AGO3: variants seen among roughly 807,000 people sequenced by gnomAD.
AGO3 encodes the protein protein argonaute-3.
Under a neutral mutation model 105.5 loss-of-function variants are expected in AGO3, and 16 were observed. The ratio of observed to expected loss-of-function variants is 0.15; its 90% CI spans 0.10 to 0.23. The LOEUF is 0.23. Ranked by LOEUF, AGO3 falls within the 10% of genes least tolerant of loss-of-function variation. The probability of loss-of-function intolerance (pLI) is 1.00; values close to 1 mark genes in which losing one functional copy is unlikely to be tolerated. For synonymous variants in AGO3, 340 were observed against 367.3 expected (o/e 0.93, Z 0.85); for missense variants, 534 against 1,088.0 (o/e 0.49, Z 7.16).
intron 3 of AGO3, among the ~76,000 whole-genome samples, chr1:35,971,351 G>A (rs1302856006): frequency 6.6e-6 from 1 of 150,410 alleles, no homozygotes; most frequent in East Asian, 2.0e-4. Context: ...TAGAGACAGG[G>A]TTTCACCATG....
chr1:35,975,734 A>G (rs1340125144), intron 5 of AGO3, among the ~76,000 whole-genome samples: 1 of 152,132 alleles, frequency 6.6e-6, no homozygotes, highest in Non-Finnish European at 1.5e-5. Flanking sequence ...GTTTAGATCC[A>G]GTGAGTGGGA....
At chr1:35,952,993 A>G (rs1273135941) in intron 2 of AGO3, among the ~76,000 whole-genome samples, 2 of 152,204 alleles carry the variant, frequency 1.3e-5, no homozygotes, top group African/African-American at 4.8e-5. Flanking sequence ...TTTGACTACT[A>G]CAAATAATGC....
chr1:35,955,255 G>A (rs1024587923), intron 2 of AGO3, among the ~76,000 whole-genome samples: 2 of 152,184 alleles, frequency 1.3e-5, no homozygotes, highest in African/African-American at 4.8e-5. Context: ...GAGAACATTT[G>A]GAAGGCTGTT....
intron 5 of AGO3, among the ~76,000 whole-genome samples, chr1:35,994,223 A>G (rs1648047328): frequency 1.3e-5 from 2 of 151,698 alleles, no homozygotes; most frequent in South Asian, 2.1e-4. Context: ...CACTGGGATT[A>G]TAGCCATAAG....
At chr1:35,933,977 T>C (rs1455010446) in intron 1 of AGO3, among the ~76,000 whole-genome samples, 1 of 152,204 alleles carries the variant, frequency 6.6e-6, no homozygotes, top group Non-Finnish European at 1.5e-5. Context: ...TCTACTGATT[T>C]AGTACCATCA....
intron 5 of AGO3, among the ~76,000 whole-genome samples, chr1:35,989,807 G>A (rs1173713046): frequency 6.6e-6 from 1 of 151,922 alleles, no homozygotes; most frequent in East Asian, 1.9e-4. Flanking sequence ...CCGGGAGGTG[G>A]AGGTTCCAGT....
At chr1:36,009,435 A>G in intron 8 of AGO3, 40 bp from the exon 9 acceptor site, 6 of 1,547,934 alleles carry the variant, frequency 3.9e-6, no homozygotes, top group Non-Finnish European at 5.2e-6. Context: ...TAAAAAAAAA[A>G]GATATATACA....
intron 11 of AGO3, among the ~76,000 whole-genome samples, chr1:36,021,517 C>T (rs1320706926): frequency 6.6e-6 from 1 of 152,062 alleles, no homozygotes; most frequent in Non-Finnish European, 1.5e-5. Context: ...TTAAACATCA[C>T]TTCTTATTTG....
chr1:35,987,517 A>G (rs1569629647), intron 5 of AGO3, among the ~76,000 whole-genome samples: 1 of 151,990 alleles, frequency 6.6e-6, no homozygotes, highest in East Asian at 1.9e-4. Flanking sequence ...AGGATATGTT[A>G]TTATTTATAT....
rs1387032180 is a variant in AGO3, at chr1:36,004,570, T to C, written c.793+95T>C. The stretch of plus-strand genomic sequence containing the variant: ...TTTTCTTATATAATTAAAATCTATG[T>C]AACATAACCAGTAAAACTATACATC... On this transcript the variant is annotated intron_variant, in intron 6 of 18. Coordinates refer to ENST00000373191, the MANE Select transcript of AGO3 (RefSeq NM_024852.4). 5 of 1,127,542 alleles carry C rather than the reference T, an allele frequency of 4.4e-6. No individual in the cohort carries two copies. The East Asian group carries it at 1.1e-4, about 25-fold the overall frequency. 69.8% of individuals were successfully genotyped at this position (1,127,542 alleles called of 1,614,324 possible).
At chr1:36,053,745 ATTTTTTTTTTT>A (rs71034711) in intron 17 of AGO3, among the ~76,000 whole-genome samples, 1 of 81,286 alleles carries the variant, frequency 1.2e-5, no homozygotes, top group Admixed American at 1.6e-4. Context: ...CACCTGGCTA[ATTTTTTTTTTT>A]TTTTTTTTTT....
At chr1:35,972,382 A>G (rs1646884678) in intron 4 of AGO3, 150 bp downstream of exon 4, 3 of 941,684 alleles carry the variant, frequency 3.2e-6, no homozygotes, top group East Asian at 5.3e-5. Flanking sequence ...ATTCATTGAC[A>G]GGAGTACGTT....
chr1:36,024,357 G>A (rs886980681), intron 11 of AGO3, among the ~76,000 whole-genome samples: 3 of 151,946 alleles, frequency 2.0e-5, no homozygotes, highest in Admixed American at 1.3e-4. Flanking sequence ...GACTGGTCTC[G>A]AACTCCTGGA....
At chr1:35,949,917 C>A (rs193201163) in intron 2 of AGO3, among the ~76,000 whole-genome samples, 26 of 151,446 alleles carry the variant, frequency 1.7e-4, no homozygotes, top group African/African-American at 6.3e-4. Context: ...AGCCTTATTT[C>A]GTTTCTTATT....
At chr1:35,962,482 G>A (rs1201435971) in intron 2 of AGO3, among the ~76,000 whole-genome samples, 4 of 151,558 alleles carry the variant, frequency 2.6e-5, no homozygotes, top group Non-Finnish European at 5.9e-5. Flanking sequence ...GGGGGAGCTT[G>A]CAGTGAGCCG....
intron 9 of AGO3, among the ~76,000 whole-genome samples, chr1:36,012,996 G>A (rs1335803792): frequency 6.6e-6 from 1 of 151,804 alleles, no homozygotes; most frequent in Non-Finnish European, 1.5e-5. Flanking sequence ...GAGTACAGTG[G>A]TGCAATCACA....
chr1:36,040,380 C>T lies in AGO3; in HGVS notation c.2111C>T (p.Thr704Ile). The T allele has an allele frequency of 6.2e-7, 1 of 1,613,964 alleles. No homozygotes were observed. Among genetic ancestry groups the T allele is most frequent in the Non-Finnish European group, 8.5e-7 (1 of 1,179,926 alleles). The change falls in exon 16 of 19, where the codon ACC becomes ATC. Residue 704 changes from threonine to isoleucine, a missense_variant. Transcript: ENST00000373191. ...GAGAAAGACTATCAACCTGGAATAA[C>T]CTACATTGTAGTTCAGAAGAGACAT... ...SLEKDYQPGITYIVVQKRHHT... is the reference protein window; with the variant it reads ...SLEKDYQPGIIYIVVQKRHHT...
In AGO3 at chr1:36,043,557, A is replaced by G; in HGVS notation, c.2274+9A>G. On this transcript the variant is annotated intron_variant, in intron 17 of 18. Transcript: ENST00000373191. Reference sequence around the variant, plus strand: ...GCCATGCTGGAATACAGGTAAGCCTACACTTTGGGTAAAATATTTTAATTC... The same window carrying G: ...GCCATGCTGGAATACAGGTAAGCCTGCACTTTGGGTAAAATATTTTAATTC... 3 of 1,578,164 alleles carry G rather than the reference A, an allele frequency of 1.9e-6. No individual in the cohort carries two copies. The highest frequency in any genetic ancestry group is 2.6e-6 in the Non-Finnish European group (3 of 1,158,538).
At chr1:35,976,225 G>A (rs2148778759) in intron 5 of AGO3, among the ~76,000 whole-genome samples, 1 of 152,210 alleles carries the variant, frequency 6.6e-6, no homozygotes, top group African/African-American at 2.4e-5. Context: ...GTGAGCCACT[G>A]CACCCAGGCC....
Sources: allele counts gnomAD v4.1 joint callset (sites outside exome capture counted in the v4.1 genomes callset), GRCh38; gene constraint gnomAD v4.1.1; transcripts MANE v1.5; gene names NCBI Gene and HGNC (gene_info 2026-07-23, HGNC 2026-07-21).